Variants in TMEM51 observed in about 807,000 individuals in gnomAD.
TMEM51 encodes the protein chromosome 1 open reading frame 72.
A neutral mutation model predicts 13.6 loss-of-function variants in TMEM51; 8 were observed. That is an observed-to-expected ratio of 0.59 (90% confidence interval 0.35 to 1.07). TMEM51 has a LOEUF of 1.07. TMEM51 is among the 50% of genes least tolerant of loss of function. The pLI, the probability that TMEM51 is intolerant of heterozygous loss-of-function variation, is 0.02. For synonymous variants in TMEM51, 147 were observed against 144.4 expected, an observed-to-expected ratio of 1.02 and a Z score of -0.13; for missense variants, 279 against 330.7, an observed-to-expected ratio of 0.84 and a Z score of 1.21.
chr1:15,186,667 C>T (rs1250349100), intron 1 of TMEM51, among the ~76,000 whole-genome samples: 4 of 152,104 alleles, frequency 2.6e-5, no homozygotes, highest in African/African-American at 7.2e-5. Flanking sequence ...AGGGGAGTGG[C>T]AGGCACTAGG....
intron 1 of TMEM51, among the ~76,000 whole-genome samples, chr1:15,169,440 G>C (rs561048246): frequency 2.4e-4 from 37 of 152,058 alleles, no homozygotes; most frequent in African/African-American, 8.4e-4. Context: ...ACATAAAAAT[G>C]AGAGCCTTTT....
chr1:15,194,432 C>T (rs942173398), intron 1 of TMEM51, among the ~76,000 whole-genome samples: 1 of 152,218 alleles, frequency 6.6e-6, no homozygotes, highest in Non-Finnish European at 1.5e-5. Flanking sequence ...CCCGCATTGT[C>T]CATCAGTCCA....
chr1:15,205,930 T>A (rs561497184), intron 1 of TMEM51, among the ~76,000 whole-genome samples: 1 of 152,216 alleles, frequency 6.6e-6, no homozygotes, highest in South Asian at 2.1e-4. Context: ...ATCAAAATCT[T>A]CAACAAGTCA....
chr1:15,168,825 CCATATCCGGCT>C lies in TMEM51; in HGVS notation c.-267+14875_-267+14885del, dbSNP rs542253158. 276 of 1,258,018 alleles carry C rather than the reference CCATATCCGGCT, an allele frequency of 2.2e-4. 2 individuals are homozygous for C. In the African/African-American group the frequency reaches 3.9e-3, roughly 18 times the overall value. The allele number at this position is 1,258,018 out of a possible 1,614,324, so 77.9% of individuals were successfully genotyped here. A position where few individuals can be genotyped will look rare whatever the true frequency, so the allele number is the denominator to read the frequency against. On this transcript the variant is annotated intron_variant, in intron 1 of 3. Coordinates refer to ENST00000376008, the MANE Select transcript of TMEM51 (RefSeq NM_001136218.2). ...TTAGGGGAATTCCTGGGAGTCAGAG[CCATATCCGGCT>C]CATGATAAAAGTTACAGATATTTGG...
intron 1 of TMEM51, among the ~76,000 whole-genome samples, chr1:15,184,932 C>T (rs1643726569): frequency 6.6e-6 from 1 of 151,910 alleles, no homozygotes; most frequent in African/African-American, 2.4e-5. Context: ...CGACATTGCA[C>T]AGCACAGCAC....
At chr1:15,200,407 CAAAAAAAAAAAAAAA>C (rs55755539) in intron 1 of TMEM51, among the ~76,000 whole-genome samples, 1 of 67,964 alleles carries the variant, frequency 1.5e-5, no homozygotes, top group Non-Finnish European at 2.6e-5. Context: ...GACTCTGTCT[CAAAAAAAAAAAAAAA>C]AAAAAAAAAA....
chr1:15,178,636 G>A (rs973864052), intron 1 of TMEM51, among the ~76,000 whole-genome samples: 2 of 152,166 alleles, frequency 1.3e-5, no homozygotes, highest in South Asian at 2.1e-4. Flanking sequence ...AGTATCGTGA[G>A]TTAGTACTGG....
At chr1:15,173,376 C>T (rs575140178) in intron 1 of TMEM51, among the ~76,000 whole-genome samples, 2 of 152,060 alleles carry the variant, frequency 1.3e-5, no homozygotes, top group African/African-American at 2.4e-5. Flanking sequence ...CACACTACCA[C>T]GCCCAGCTAA....
intron 1 of TMEM51, among the ~76,000 whole-genome samples, chr1:15,170,227 T>A (rs1643198918): frequency 6.6e-6 from 1 of 152,154 alleles, no homozygotes; most frequent in Non-Finnish European, 1.5e-5. Flanking sequence ...GTCGTGGGGC[T>A]TTATCTCAGA....
intron 1 of TMEM51, among the ~76,000 whole-genome samples, chr1:15,195,556 C>T (rs2100291130): frequency 6.6e-6 from 1 of 152,272 alleles, no homozygotes; most frequent in South Asian, 2.1e-4. Flanking sequence ...TAGGCTACCT[C>T]AAAGGAACCG....
chr1:15,219,717 G>GC lies in TMEM51; in HGVS notation c.741dup (p.Asp248ArgfsTer12). ...GCAGTATGATGAAGTCCAGGAGAAG[G>GC]CCCCCGACACCCGGCCGCCCGACTG... On this transcript the variant is annotated frameshift_variant, in exon 4 of 4. Transcript: ENST00000376008. LOFTEE classifies it high-confidence loss of function. The GC allele has an allele frequency of 1.2e-6, 2 of 1,613,330 alleles. No individual in the cohort carries two copies. The highest frequency in any genetic ancestry group is 1.7e-6 in the Non-Finnish European group (2 of 1,179,790).
In TMEM51 at chr1:15,214,916, G is replaced by C. The variant is rs3753315; in HGVS notation, c.-172G>C. ...CCAGGCCCTTCCACCGCAGCCATCCGCACGGGAGGCCTCGCGATTGCTCGG... is the reference window on the plus strand; with the variant it reads ...CCAGGCCCTTCCACCGCAGCCATCCCCACGGGAGGCCTCGCGATTGCTCGG... On this transcript the variant is annotated 5_prime_UTR_variant, in exon 3 of 4. Coordinates refer to ENST00000376008, the MANE Select transcript of TMEM51 (RefSeq NM_001136218.2). The C allele has an allele frequency of 7.8e-6, 5 of 641,740 alleles. No homozygotes were observed. Among genetic ancestry groups the C allele is most frequent in the Non-Finnish European group, 1.3e-5 (5 of 378,990 alleles). The allele number at this position is 641,740 out of a possible 1,614,324, so 39.8% of individuals were successfully genotyped here.
chr1:15,157,688 G>T (rs1417591070), intron 1 of TMEM51, among the ~76,000 whole-genome samples: 1 of 152,138 alleles, frequency 6.6e-6, no homozygotes, highest in Non-Finnish European at 1.5e-5. Context: ...GTGTGTCTGC[G>T]CATTTCCAGG....
At chr1:15,216,868 ATGT>A (rs2100364419) in intron 3 of TMEM51, among the ~76,000 whole-genome samples, 1 of 152,312 alleles carries the variant, frequency 6.6e-6, no homozygotes, top group East Asian at 1.9e-4. Context: ...GTCCCATCAA[ATGT>A]TGTGGCTGTG....
At chr1:15,198,105 C>G (rs138540113) in intron 1 of TMEM51, among the ~76,000 whole-genome samples, 5 of 152,306 alleles carry the variant, frequency 3.3e-5, no homozygotes, top group African/African-American at 1.2e-4. Context: ...CTCTGCCAGT[C>G]TCTACCTCAC....
chr1:15,189,088 G>A (rs749036240), intron 1 of TMEM51, among the ~76,000 whole-genome samples: 9 of 152,000 alleles, frequency 5.9e-5, no homozygotes, highest in Admixed American at 2.0e-4. Flanking sequence ...TTGCCCAGGC[G>A]GGAATACAGT....
At chr1:15,180,090 C>T (rs1369870572) in intron 1 of TMEM51, among the ~76,000 whole-genome samples, 2 of 152,204 alleles carry the variant, frequency 1.3e-5, no homozygotes, top group Admixed American at 1.3e-4. Flanking sequence ...GTGTGGCCCA[C>T]GAGCATCTCC....
intron 1 of TMEM51, among the ~76,000 whole-genome samples, chr1:15,203,284 C>T (rs919581366): frequency 2.9e-4 from 44 of 152,226 alleles, no homozygotes; most frequent in African/African-American, 8.9e-4. Flanking sequence ...GACAGAGTCT[C>T]GCTCTGTCAC....
rs1217816589 is a variant in TMEM51 at position 15,220,215 on chromosome 1, A to T, written c.*472A>T. ...AACACGACCTGGCTTTGTAGAAAGG[A>T]CACAGGGCTGTTTTATGAACTAAGC... On this transcript the variant is annotated 3_prime_UTR_variant, in exon 4 of 4. Transcript: ENST00000376008. The T allele has an allele frequency of 6.0e-6, 1 of 165,950 alleles. No individual in the cohort carries two copies. Among genetic ancestry groups the T allele is most frequent in the African/African-American group, 2.4e-5 (1 of 41,680 alleles). 10.3% of individuals were successfully genotyped at this position (165,950 alleles called of 1,614,324 possible).
Sources: allele counts gnomAD v4.1 joint callset (sites outside exome capture counted in the v4.1 genomes callset), GRCh38; gene constraint gnomAD v4.1.1; transcripts MANE v1.5; gene names NCBI Gene and HGNC (gene_info 2026-07-23, HGNC 2026-07-21).